The following MAPK10 variants were observed in gnomAD, a reference collection of about 807,000 sequenced individuals.
The protein encoded by MAPK10 is JNK3 alpha protein kinase.
MAPK10 carries 25 observed loss-of-function variants against 59.3 expected under a neutral mutation model. The ratio of observed to expected loss-of-function variants is 0.42; its 90% confidence interval spans 0.31 to 0.59. MAPK10 has a LOEUF of 0.59. MAPK10 is among the 20% of genes least tolerant of loss of function. MAPK10 has a pLI of 0.15. For missense variants in MAPK10, 351 were observed against 568.9 expected, an observed-to-expected ratio of 0.62 and a Z score of 3.90; for synonymous variants, 190 against 200.5, an observed-to-expected ratio of 0.95 and a Z score of 0.44.
chr4:86,416,631 C>G (rs1745894672), intron 1 of MAPK10, among the ~76,000 whole-genome samples: 1 of 152,156 alleles, frequency 6.6e-6, no homozygotes, highest in African/African-American at 2.4e-5. Context: ...TTAAGAGGAG[C>G]AAGACCTGGT....
chr4:86,357,003 GCCTC>G (rs1033949038), intron 1 of MAPK10: 6 of 152,174 alleles, frequency 3.9e-5, no homozygotes, highest in African/African-American at 1.4e-4. Flanking sequence ...ACACTTCCGT[GCCTC>G]TTTCTGCATG....
At position 86,271,187 on chromosome 4, in the gene MAPK10, G is replaced by A. The variant is rs1017409177; in HGVS notation, c.-6-76780C>T. On this transcript the variant is annotated intron_variant, in intron 2 of 13. Coordinates refer to ENST00000641462, the MANE Select transcript of MAPK10 (RefSeq NM_138982.4). ...CATGTCATCACCAACATTTAATATC[G>A]TCATTTTTTTCATTTTAGACATTCT... Among the ~76,000 whole-genome samples, 21 of 151,870 alleles carry A rather than the reference G, an allele frequency of 1.4e-4. No homozygotes were observed. The East Asian group carries it at 1.9e-3, about 14-fold the overall frequency.
intron 1 of MAPK10, among the ~76,000 whole-genome samples, chr4:86,464,967 C>A (rs1017094988): frequency 6.6e-6 from 1 of 152,228 alleles, no homozygotes; most frequent in Non-Finnish European, 1.5e-5. Context: ...CAATTTAACA[C>A]ACGTTAATGT....
At chr4:86,456,685 A>T (rs952665948), upstream of MAPK10, among the ~76,000 whole-genome samples, 1 of 152,192 alleles carries the variant, frequency 6.6e-6, no homozygotes, top group Non-Finnish European at 1.5e-5. Context: ...AACAAAAAAA[A>T]GTCCGGAACC....
Position 86,550,374 on chromosome 4 carries a change from TAAAAAAAAAAAAA to T in MAPK10, c.-263+43523_-263+43535del, listed in dbSNP as rs753508493. Among the ~76,000 whole-genome samples, 237 of 77,386 alleles carry T rather than the reference TAAAAAAAAAAAAA, an allele frequency of 3.1e-3. 7 individuals are homozygous for T. Among genetic ancestry groups the T allele is most frequent in the South Asian group, 0.013 (24 of 1,916 alleles). The allele number at this position is 77,386 out of a possible 152,430, so 50.8% of individuals were successfully genotyped here. ...CAGAAGGGCTAAGCAGAGCTTCAGT[TAAAAAAAAAAAAA>T]AAAAAAAAAAAAAAAAAAAAAAAAC... On this transcript the variant is annotated intron_variant, in intron 1 of 4. Coordinates refer to the MAPK10 transcript ENST00000502302.
chr4:86,160,749 A>G (rs1190484227), intron 3 of MAPK10, among the ~76,000 whole-genome samples: 1 of 152,002 alleles, frequency 6.6e-6, no homozygotes, highest in African/African-American at 2.4e-5. Flanking sequence ...TCTAAACCAA[A>G]GACTTTTTGT....
At chr4:86,551,545 TTCC>T (rs1402060134) in intron 1 of MAPK10, among the ~76,000 whole-genome samples, 1 of 151,830 alleles carries the variant, frequency 6.6e-6, no homozygotes, top group African/African-American at 2.4e-5. Flanking sequence ...CCTTCCTTCC[TTCC>T]TTCTTTCCTT....
In MAPK10 at chr4:86,011,278, A is replaced by C. The variant is rs1383655247; in HGVS notation, c.*5950T>G. On this transcript the variant is annotated 3_prime_UTR_variant, in exon 14 of 14. Transcript: ENST00000641462. ...ACATAAAGTGATCTGTGATGGCAGG[A>C]CTTTCAGCGTGTTTCACTATTAGCA... 1 of 152,228 alleles carries C rather than the reference A, an allele frequency of 6.6e-6. No individual in the cohort carries two copies. The highest frequency in any genetic ancestry group is 1.5e-5 in the Non-Finnish European group (1 of 68,046). The allele number at this position is 152,228 out of a possible 1,614,324, so 9.4% of individuals were successfully genotyped here.
chr4:86,019,335 C>A (rs1468951040), intron 13 of MAPK10, among the ~76,000 whole-genome samples: 1 of 152,096 alleles, frequency 6.6e-6, no homozygotes, highest in Admixed American at 6.5e-5. Flanking sequence ...AATACCCATC[C>A]TTTCTAATCT....
At chr4:86,199,610 A>G (rs2126021) in intron 2 of MAPK10, among the ~76,000 whole-genome samples, 5,056 of 152,156 alleles carry the variant, frequency 0.033, 117 homozygotes, top group Middle Eastern at 0.075. Flanking sequence ...AGGGAGCTTC[A>G]AAGACATTAG....
chr4:86,333,483 C>T (rs2096203891), intron 2 of MAPK10, among the ~76,000 whole-genome samples: 1 of 152,182 alleles, frequency 6.6e-6, no homozygotes, highest in African/African-American at 2.4e-5. Flanking sequence ...TCTGCCTTCT[C>T]AGGCTGTCAT....
intron 1 of MAPK10, among the ~76,000 whole-genome samples, chr4:86,551,123 C>A (rs1049234554): frequency 1.3e-5 from 2 of 152,218 alleles, no homozygotes; most frequent in African/African-American, 4.8e-5. Flanking sequence ...TTTGTAGAGT[C>A]TGACCTCACT....
chr4:86,350,992 C>T (rs960206112), intron 2 of MAPK10, among the ~76,000 whole-genome samples: 2 of 152,008 alleles, frequency 1.3e-5, no homozygotes, highest in Non-Finnish European at 2.9e-5. Flanking sequence ...TTGCAGGCAT[C>T]GTATCTATTC....
At chr4:86,471,702 T>TA (rs1197730539) in intron 1 of MAPK10, among the ~76,000 whole-genome samples, 2 of 152,240 alleles carry the variant, frequency 1.3e-5, no homozygotes, top group African/African-American at 4.8e-5. Flanking sequence ...TTGGCTTAAT[T>TA]AAAATGCCTG....
intron 4 of MAPK10, chr4:86,125,579 A>G (rs966992349): frequency 1.3e-5 from 2 of 152,040 alleles, no homozygotes; most frequent in African/African-American, 4.8e-5. Context: ...TCACTCCCCC[A>G]AGAAAAAGAG....
chr4:86,035,079 T>C (rs1408304130), intron 11 of MAPK10, among the ~76,000 whole-genome samples: 2 of 152,010 alleles, frequency 1.3e-5, no homozygotes, highest in African/African-American at 2.4e-5. Flanking sequence ...GGATCAAGGA[T>C]GATCCAGGGG....
rs1254145365 is a variant in MAPK10 at position 86,017,669 on chromosome 4, A to C, written c.1253-299T>G. On this transcript the variant is annotated intron_variant, in intron 13 of 13. Transcript: ENST00000641462. This position sits in a 1 kb window ranked among gnomAD's most constrained non-coding sequence, Gnocchi z 4.4. ...ACATTGCCTCCCCTGCCCCCACTGCACTGCATATATTTTAATATAATTGGC... is the reference window on the plus strand; with the variant it reads ...ACATTGCCTCCCCTGCCCCCACTGCCCTGCATATATTTTAATATAATTGGC... Among the ~76,000 whole-genome samples, 1 of 152,234 alleles carries C rather than the reference A, an allele frequency of 6.6e-6. No individual in the cohort carries two copies. Among genetic ancestry groups the C allele is most frequent in the African/African-American group, 2.4e-5 (1 of 41,464 alleles).
chr4:86,413,538 C>T (rs530659276), intron 1 of MAPK10, among the ~76,000 whole-genome samples: 39 of 152,348 alleles, frequency 2.6e-4, no homozygotes, highest in Admixed American at 6.5e-4. Flanking sequence ...AGACAGTAGT[C>T]CTTGCTGAGC....
chr4:86,298,943 T>C (rs1015747899), intron 2 of MAPK10, among the ~76,000 whole-genome samples: 8 of 152,178 alleles, frequency 5.3e-5, no homozygotes, highest in African/African-American at 1.9e-4. Context: ...GCTTCTTTTA[T>C]TTTCCCCTTG....
Sources: gnomAD v4.1 joint callset for allele counts (sites outside exome capture counted in the v4.1 genomes callset) on GRCh38, gnomAD v4.1.1 for gene constraint, Gnocchi (gnomAD v3.1) non-coding constraint, MANE v1.5 for transcripts, NCBI Gene and HGNC (gene_info 2026-07-23, HGNC 2026-07-21) for gene names.